The following PRELID2 variants were observed in gnomAD, a reference collection of about 807,000 sequenced individuals.
The protein encoded by PRELID2 is PRELI domain-containing protein 2.
In PRELID2, 25 loss-of-function variants were observed where a neutral mutation model predicts 28.4. The observed-to-expected ratio is 0.88, with a 90% CI of 0.64 to 1.23. The LOEUF is 1.23. Ranked by LOEUF, PRELID2 falls within the 50% of genes most tolerant of loss-of-function variation. PRELID2 has a pLI of 0.00. For synonymous variants in PRELID2, 76 were observed against 71.6 expected (o/e 1.06, Z -0.31); for missense variants, 201 against 214.4 (o/e 0.94, Z 0.39).
At chr5:145,769,781 C>G (rs953043220) in intron 5 of PRELID2, among the ~76,000 whole-genome samples, 1 of 152,092 alleles carries the variant, frequency 6.6e-6, no homozygotes, top group Non-Finnish European at 1.5e-5. Flanking sequence ...AGGGAAGCTA[C>G]GTGGAACAGG....
At chr5:145,772,583 G>A (rs1408159191) in intron 5 of PRELID2, among the ~76,000 whole-genome samples, 3 of 152,212 alleles carry the variant, frequency 2.0e-5, no homozygotes, top group African/African-American at 7.2e-5. Flanking sequence ...GAAACCAAGA[G>A]ATTGAACTCA....
intron 3 of PRELID2, chr5:145,819,382 T>C: frequency 1.2e-6 from 2 of 1,602,684 alleles, no homozygotes; most frequent in Non-Finnish European, 1.7e-6. Flanking sequence ...CACTCACCTT[T>C]TTCCAACAAA....
At chr5:145,508,251 C>CATAGATAG (rs1554074610) in intron 1 of PRELID2, among the ~76,000 whole-genome samples, 2 of 105,504 alleles carry the variant, frequency 1.9e-5, no homozygotes, top group East Asian at 3.5e-4. Flanking sequence ...GTTACTTTTG[C>CATAGATAG]ATAGACAGAT....
chr5:145,745,500 A>G (rs1281091595), intron 1 of PRELID2, among the ~76,000 whole-genome samples: 1 of 152,176 alleles, frequency 6.6e-6, no homozygotes, highest in East Asian at 1.9e-4. Context: ...CATCAGACTA[A>G]CAGCAGACGT....
the PRELID2 span, among the ~76,000 whole-genome samples, chr5:145,408,395 T>TTATATATATATATATA: frequency 7.7e-6 from 1 of 129,274 alleles, no homozygotes; most frequent in African/African-American, 2.7e-5. Context: ...TTAAAGAAAT[T>TTATATATATATATATA]TATATATATA....
At chr5:145,807,958 G>C (rs949986973) in intron 4 of PRELID2, among the ~76,000 whole-genome samples, 2 of 152,140 alleles carry the variant, frequency 1.3e-5, no homozygotes. Flanking sequence ...TGGCAAATGA[G>C]TATCTTTTGG....
At chr5:145,772,250 T>C (rs1449249934) in intron 5 of PRELID2, among the ~76,000 whole-genome samples, 2 of 151,862 alleles carry the variant, frequency 1.3e-5, no homozygotes, top group Admixed American at 1.3e-4. Flanking sequence ...CTGTTCAAAA[T>C]CACACAGTAA....
rs1221958243 is a variant in PRELID2, at chr5:145,552,632, A to G, written n.71-79317T>C. On this transcript the variant is annotated intron_variant and non_coding_transcript_variant, in intron 1 of 2. Coordinates refer to the PRELID2 transcript ENST00000510259. Reference sequence around the variant, plus strand: ...AATTAGAACCAAAAAGGAAAAAAGAAAAACATCTTATCCTTACAAAATCAA... The same window carrying G: ...AATTAGAACCAAAAAGGAAAAAAGAGAAACATCTTATCCTTACAAAATCAA... Among the ~76,000 whole-genome samples the G allele has an allele frequency of 1.3e-5, 2 of 152,176 alleles. 1 individual carries two copies. The highest frequency in any genetic ancestry group is 2.9e-5 in the Non-Finnish European group (2 of 68,038).
At chr5:145,355,313 CAT>C in the PRELID2 span, among the ~76,000 whole-genome samples, 1 of 151,942 alleles carries the variant, frequency 6.6e-6, no homozygotes, top group Non-Finnish European at 1.5e-5. Context: ...ACAGTAAGCT[CAT>C]GTGTAATTTA....
chr5:145,392,758 A>T, the PRELID2 span, among the ~76,000 whole-genome samples: 1 of 152,140 alleles, frequency 6.6e-6, no homozygotes, highest in Non-Finnish European at 1.5e-5. Flanking sequence ...AGGAGTCTAC[A>T]TGCTCTCTAG....
At chr5:145,537,382 T>C (rs1752708029) in intron 1 of PRELID2, among the ~76,000 whole-genome samples, 1 of 151,930 alleles carries the variant, frequency 6.6e-6, no homozygotes, top group Non-Finnish European at 1.5e-5. Flanking sequence ...ATTTTTGATA[T>C]TTTCGGGAAC....
At chr5:145,449,789 T>C in the PRELID2 span, among the ~76,000 whole-genome samples, 296 of 152,172 alleles carry the variant, frequency 1.9e-3, no homozygotes, top group Admixed American at 3.1e-3. Context: ...TTATTGTCAT[T>C]ATAATTGAAA....
At chr5:145,529,150 A>G (rs1393288909) in intron 1 of PRELID2, among the ~76,000 whole-genome samples, 2 of 152,212 alleles carry the variant, frequency 1.3e-5, no homozygotes, top group Non-Finnish European at 2.9e-5. Context: ...CAGAATGGAT[A>G]TTGCAAATAC....
chr5:145,328,709 C>T, the PRELID2 span, among the ~76,000 whole-genome samples: 1 of 151,282 alleles, frequency 6.6e-6, no homozygotes, highest in Non-Finnish European at 1.5e-5. Flanking sequence ...TTAAAATTTT[C>T]TCCCATTCTG....
chr5:145,596,002 C>A (rs1253132664), intron 1 of PRELID2, among the ~76,000 whole-genome samples: 1 of 150,348 alleles, frequency 6.7e-6, no homozygotes, highest in Non-Finnish European at 1.5e-5. Flanking sequence ...GAGATGGGAG[C>A]CCAGGAGGTG....
intron 1 of PRELID2, among the ~76,000 whole-genome samples, chr5:145,661,616 G>A (rs1754494209): frequency 6.7e-6 from 1 of 149,624 alleles, no homozygotes. Flanking sequence ...ACAATGCCTG[G>A]GATTCACACC....
At chr5:145,308,153 T>C in the PRELID2 span, among the ~76,000 whole-genome samples, 1 of 152,160 alleles carries the variant, frequency 6.6e-6, no homozygotes, top group African/African-American at 2.4e-5. Flanking sequence ...TCAAGGTGAC[T>C]GATGGTCCCC....
chr5:145,465,050 T>C, the PRELID2 span, among the ~76,000 whole-genome samples: 823 of 152,228 alleles, frequency 5.4e-3, 9 homozygotes, highest in African/African-American at 0.018. Context: ...ATAGTATATA[T>C]AAATATGTCA....
chr5:145,697,065 A>G (rs1315728188), intron 1 of PRELID2, among the ~76,000 whole-genome samples: 1 of 125,386 alleles, frequency 8.0e-6, no homozygotes, highest in Non-Finnish European at 1.6e-5. Context: ...ATATATATAT[A>G]TATATATATA....
Sources: allele counts gnomAD v4.1 joint callset (sites outside exome capture counted in the v4.1 genomes callset), GRCh38; gene constraint gnomAD v4.1.1; transcripts MANE v1.5; gene names NCBI Gene and HGNC (gene_info 2026-07-23, HGNC 2026-07-21).